SYCP2L: variants seen among roughly 807,000 people sequenced by gnomAD.
The protein encoded by SYCP2L is synaptonemal complex protein 2-like.
A neutral mutation model predicts 125.8 loss-of-function variants in SYCP2L; 98 were observed. The observed-to-expected ratio is 0.78, with a 90% CI of 0.66 to 0.92. The LOEUF is 0.92. Ranked by LOEUF, SYCP2L falls within the 40% of genes least tolerant of loss-of-function variation. The pLI is 0.00. For synonymous variants in SYCP2L, 317 were observed against 325.4 expected, an observed-to-expected ratio of 0.97 and a Z score of 0.28; for missense variants, 842 against 936.4, an observed-to-expected ratio of 0.90 and a Z score of 1.32.
intron 4 of SYCP2L, 26 bp from the exon 5 acceptor site, chr6:10,897,985 A>G (rs766100175): frequency 6.9e-7 from 1 of 1,446,212 alleles, no homozygotes; most frequent in African/African-American, 1.4e-5. Context: ...AGTCTTATGT[A>G]GTTACGTTAG....
chr6:10,934,807 A>G (rs1000339516), intron 20 of SYCP2L, among the ~76,000 whole-genome samples: 1 of 152,218 alleles, frequency 6.6e-6, no homozygotes, highest in Admixed American at 6.5e-5. Flanking sequence ...CCAAGGATTC[A>G]TGAGATTTTC....
intron 24 of SYCP2L, among the ~76,000 whole-genome samples, 164 bp from the exon 25 acceptor site, chr6:10,955,964 AGAAGAAAT>A (rs1229571399): frequency 6.6e-6 from 1 of 152,192 alleles, no homozygotes; most frequent in Non-Finnish European, 1.5e-5. Flanking sequence ...GGGAAGATAT[AGAAGAAAT>A]GAGCACTTTC....
At chr6:10,918,794 A>G (rs977255771) in intron 14 of SYCP2L, among the ~76,000 whole-genome samples, 1 of 152,150 alleles carries the variant, frequency 6.6e-6, no homozygotes, top group South Asian at 2.1e-4. Flanking sequence ...TTGGCCTCCC[A>G]AAGTGCTGGG....
intron 23 of SYCP2L, among the ~76,000 whole-genome samples, chr6:10,953,508 C>T (rs977014597): frequency 6.6e-6 from 1 of 152,114 alleles, no homozygotes; most frequent in Non-Finnish European, 1.5e-5. Flanking sequence ...CTACCTCTAC[C>T]CTCACCACTA....
rs78050294 is a variant in SYCP2L at position 10,907,704 on chromosome 6, G to A, written c.819+20G>A. 7.9e-4 allele frequency: 1,264 copies of A among 1,608,892 alleles called. 10 individuals carry two copies. In the African/African-American group the frequency reaches 0.013, roughly 17 times the overall value. ...GAGACGGTGAGATTCCTGGCCATGC[G>A]AATTTCTTATTAGCCAATATTTATT... On this transcript the variant is annotated intron_variant, in intron 10 of 29. Transcript: ENST00000283141.
intron 21 of SYCP2L, among the ~76,000 whole-genome samples, chr6:10,940,101 A>G (rs995557190): frequency 6.6e-6 from 1 of 152,196 alleles, no homozygotes; most frequent in Non-Finnish European, 1.5e-5. Context: ...AACATCACTG[A>G]TCATTAGAGA....
chr6:10,964,578 A>T (rs917638651), intron 29 of SYCP2L, among the ~76,000 whole-genome samples: 1 of 152,182 alleles, frequency 6.6e-6, no homozygotes, highest in Non-Finnish European at 1.5e-5. Flanking sequence ...TTAAAAATTT[A>T]AAATTTAAAT....
intron 14 of SYCP2L, among the ~76,000 whole-genome samples, chr6:10,914,680 G>A: frequency 6.6e-6 from 1 of 151,036 alleles, no homozygotes; most frequent in Admixed American, 6.6e-5. Flanking sequence ...TCTTTCAGCA[G>A]TGTTTTGTAG....
chr6:10,914,146 A>G (rs548125781), intron 14 of SYCP2L, among the ~76,000 whole-genome samples: 1 of 152,234 alleles, frequency 6.6e-6, no homozygotes, highest in South Asian at 2.1e-4. Flanking sequence ...TAGAATTTTT[A>G]TAGTTTCAGG....
intron 14 of SYCP2L, among the ~76,000 whole-genome samples, chr6:10,915,197 T>C (rs1294759105): frequency 6.6e-6 from 1 of 152,250 alleles, no homozygotes; most frequent in Non-Finnish European, 1.5e-5. Flanking sequence ...TGAATTCTTT[T>C]ATCAGTTCAA....
chr6:10,965,763 C>T (rs1781666307), intron 29 of SYCP2L, among the ~76,000 whole-genome samples: 1 of 152,138 alleles, frequency 6.6e-6, no homozygotes, highest in South Asian at 2.1e-4. Context: ...TCTTGCATTA[C>T]CATGTCAAAA....
chr6:10,902,915 G>T lies in SYCP2L; in HGVS notation c.593G>T (p.Arg198Leu). The change falls in exon 8 of 30, where the codon CGA (arginine) becomes CTA (leucine). Residue 198 changes from arginine (R) to leucine (L), a missense_variant. By Grantham distance (102) the Arg-to-Leu change is moderately radical (BLOSUM62 -2). Coordinates refer to ENST00000283141, the MANE Select transcript of SYCP2L (RefSeq NM_001040274.3). ...TFNCILHAVP[R>L]EERKKFPLSE... is the part of the protein sequence containing the mutation. ...AACTGCATTTTGCACGCTGTCCCTC[G>T]AGAAGAGAGAAAAAAATTCCCTTTG... 2 of 1,614,100 alleles carry T rather than the reference G, an allele frequency of 1.2e-6. No homozygotes were observed. Among genetic ancestry groups the T allele is most frequent in the Non-Finnish European group, 1.7e-6 (2 of 1,180,030 alleles).
chr6:10,961,326 T>G lies in SYCP2L; in HGVS notation c.2277T>G (p.Phe759Leu). Residue 759 changes from phenylalanine (F) to leucine (L), a missense_variant, in exon 27 of 30, where the codon TTT becomes TTG. Coordinates refer to ENST00000283141, the MANE Select transcript of SYCP2L (RefSeq NM_001040274.3). ...QLFRLNKLER[F>L]QNLVLQELSS... is the part of the protein sequence containing the mutation. ...TTAGACTCAATAAACTAGAGCGCTTTCAAAATTTGGTTCTTCAAGAGTTGA... is the reference window on the plus strand; with the variant it reads ...TTAGACTCAATAAACTAGAGCGCTTGCAAAATTTGGTTCTTCAAGAGTTGA... 6.2e-7 allele frequency: 1 copy of G among 1,614,172 alleles called. No homozygotes were observed. Among genetic ancestry groups the G allele is most frequent in the Non-Finnish European group, 8.5e-7 (1 of 1,180,004 alleles).
intron 5 of SYCP2L, 29 bp from the exon 6 acceptor site, chr6:10,898,795 G>T: frequency 1.5e-6 from 2 of 1,325,812 alleles, no homozygotes; most frequent in South Asian, 1.2e-5. Context: ...AAAATAATAT[G>T]AGCTTTACTT....
chr6:10,933,642 T>C (rs1781038651), intron 20 of SYCP2L, among the ~76,000 whole-genome samples: 2 of 152,224 alleles, frequency 1.3e-5, no homozygotes, highest in Non-Finnish European at 2.9e-5. Flanking sequence ...GGTCTTACGA[T>C]CTTAGTATTT....
At chr6:10,895,842 G>T (rs13208635) in intron 4 of SYCP2L, among the ~76,000 whole-genome samples, 5,571 of 151,696 alleles carry the variant, frequency 0.037, 102 homozygotes, top group Non-Finnish European at 0.052. Context: ...AAGTGTGCTC[G>T]GAAGTTCTTC....
At chr6:10,942,373 T>G in intron 21 of SYCP2L, 86 bp from the exon 22 acceptor site, 99 of 848,200 alleles carry the variant, frequency 1.2e-4, no homozygotes, top group East Asian at 1.9e-4. Context: ...TTTTTGATGA[T>G]GAGATTTAAT....
At chr6:10,917,461 C>G (rs956161060) in intron 14 of SYCP2L, among the ~76,000 whole-genome samples, 2 of 152,192 alleles carry the variant, frequency 1.3e-5, no homozygotes, top group Admixed American at 6.5e-5. Flanking sequence ...ATGAGAATAA[C>G]TACTCCTGCT....
At chr6:10,955,574 G>A (rs1781490354) in intron 24 of SYCP2L, among the ~76,000 whole-genome samples, 1 of 152,170 alleles carries the variant, frequency 6.6e-6, no homozygotes, top group Non-Finnish European at 1.5e-5. Context: ...TGGAATGTCT[G>A]CATGTTTGAG....
Sources: allele counts gnomAD v4.1 joint callset (sites outside exome capture counted in the v4.1 genomes callset), GRCh38; gene constraint gnomAD v4.1.1; transcripts MANE v1.5; gene names NCBI Gene and HGNC (gene_info 2026-07-23, HGNC 2026-07-21).